LARP4B: variants seen among roughly 807,000 people sequenced by gnomAD.
LARP4B encodes the protein La ribonucleoprotein 4B, also known as la-related protein 4B.
Under a neutral mutation model 89.8 loss-of-function variants are expected in LARP4B, and 12 were observed. The ratio of observed to expected loss-of-function variants is 0.13; its 90% CI spans 0.09 to 0.22. The LOEUF is 0.22. Among genes scored for constraint, LARP4B ranks in the 10% least tolerant of loss-of-function variants. The pLI is 1.00. For missense variants in LARP4B, 757 were observed against 947.7 expected (o/e 0.80, Z 2.64); for synonymous variants, 367 against 363.3 (o/e 1.01, Z -0.12).
the LARP4B span, among the ~76,000 whole-genome samples, chr10:975,408 T>G: frequency 6.6e-6 from 1 of 152,212 alleles, no homozygotes; most frequent in African/African-American, 2.4e-5. Context: ...TGAATTCAGT[T>G]GCGATTCACT....
chr10:913,985 C>T (rs1318092543), intron 1 of LARP4B, among the ~76,000 whole-genome samples: 1 of 152,122 alleles, frequency 6.6e-6, no homozygotes, highest in Non-Finnish European at 1.5e-5. Flanking sequence ...TTCATAGTTT[C>T]ACAAACCCTT....
chr10:916,425 A>C (rs907327175), intron 1 of LARP4B, among the ~76,000 whole-genome samples: 10 of 152,098 alleles, frequency 6.6e-5, no homozygotes, highest in African/African-American at 1.9e-4. Flanking sequence ...GCTGGGCGCG[A>C]TGGCTCATGC....
chr10:838,433 A>C (rs1378485500), intron 7 of LARP4B, among the ~76,000 whole-genome samples: 1 of 152,222 alleles, frequency 6.6e-6, no homozygotes, highest in Non-Finnish European at 1.5e-5. Context: ...AAGAAAATGA[A>C]CAAGATTAAA....
intron 3 of LARP4B, among the ~76,000 whole-genome samples, chr10:879,060 G>A (rs575810324): frequency 6.6e-6 from 1 of 152,230 alleles, no homozygotes; most frequent in East Asian, 1.9e-4. Flanking sequence ...TTTACACAAG[G>A]ATACAACTAA....
intron 15 of LARP4B, among the ~76,000 whole-genome samples, chr10:816,984 T>A (rs1832095621): frequency 6.6e-6 from 1 of 152,152 alleles, no homozygotes; most frequent in Non-Finnish European, 1.5e-5. Context: ...GTGGTAACTC[T>A]GGGGCACAGC....
At chr10:839,366 T>C (rs1833400352) in intron 7 of LARP4B, among the ~76,000 whole-genome samples, 1 of 152,220 alleles carries the variant, frequency 6.6e-6, no homozygotes. Context: ...GGGGATATAA[T>C]GGGAGATCTC....
the LARP4B span, among the ~76,000 whole-genome samples, chr10:975,591 G>A: frequency 6.6e-6 from 1 of 152,364 alleles, no homozygotes; most frequent in East Asian, 1.9e-4. Flanking sequence ...CGAATCGTCT[G>A]AATGCACACA....
intron 5 of LARP4B, among the ~76,000 whole-genome samples, chr10:851,528 C>T (rs970039802): frequency 6.6e-6 from 1 of 151,990 alleles, no homozygotes; most frequent in Non-Finnish European, 1.5e-5. Context: ...AAACCTCTAC[C>T]CAGACTGATT....
chr10:959,782 CTCG>C, the LARP4B span, among the ~76,000 whole-genome samples: 1 of 87,438 alleles, frequency 1.1e-5, no homozygotes, highest in East Asian at 3.5e-4. Flanking sequence ...TTCCCACCTC[CTCG>C]TCATTCCCAC....
intron 1 of LARP4B, among the ~76,000 whole-genome samples, chr10:888,940 C>T (rs1433033278): frequency 1.3e-5 from 2 of 152,068 alleles, no homozygotes; most frequent in African/African-American, 4.8e-5. Context: ...CAAAAATTAG[C>T]CGGGTGTGGT....
At chr10:852,380 T>C (rs1353028698) in intron 5 of LARP4B, among the ~76,000 whole-genome samples, 1 of 152,128 alleles carries the variant, frequency 6.6e-6, no homozygotes, top group African/African-American at 2.4e-5. Flanking sequence ...CCGAACACAC[T>C]AAAAAACAAC....
chr10:819,287 G>A (rs905990493), intron 14 of LARP4B: 1 of 152,202 alleles, frequency 6.6e-6, no homozygotes, highest in African/African-American at 2.4e-5. Context: ...AGAAGCAAAA[G>A]AGGCAGGCAA....
At chr10:842,156 T>G (rs1423484374) in intron 7 of LARP4B, among the ~76,000 whole-genome samples, 1 of 152,162 alleles carries the variant, frequency 6.6e-6, no homozygotes, top group Non-Finnish European at 1.5e-5. Context: ...AAACACTGTT[T>G]GATGTTGCCA....
rs1315509968 is a variant in LARP4B, at chr10:931,535, G to A, written c.-147C>T. ...GGGGACGGCGAGGAGAGAGACGGCA[G>A]GGAGAGGCGGCGCGGCCGGGCCGGG... On this transcript the variant is annotated 5_prime_UTR_variant, in exon 1 of 18. Transcript: ENST00000316157. The A allele has an allele frequency of 1.3e-5, 2 of 150,710 alleles. No individual in the cohort carries two copies. The highest frequency in any genetic ancestry group is 1.8e-4 in the South Asian group (1 of 5,658). 9.3% of individuals were successfully genotyped at this position (150,710 alleles called of 1,614,324 possible).
intron 5 of LARP4B, among the ~76,000 whole-genome samples, chr10:862,483 G>A (rs1479659974): frequency 1.3e-5 from 2 of 152,094 alleles, no homozygotes; most frequent in Non-Finnish European, 2.9e-5. Context: ...GACAGGGACT[G>A]GTTAAGAACA....
chr10:885,345 TAC>T (rs1382885080), intron 2 of LARP4B, among the ~76,000 whole-genome samples: 4 of 152,088 alleles, frequency 2.6e-5, no homozygotes, highest in Non-Finnish European at 5.9e-5. Context: ...AAAAAAAAAA[TAC>T]AGTTTTCCCT....
At chr10:895,241 T>C (rs984007147) in intron 1 of LARP4B, among the ~76,000 whole-genome samples, 2 of 151,882 alleles carry the variant, frequency 1.3e-5, no homozygotes, top group African/African-American at 4.8e-5. Context: ...AATAAAATTG[T>C]CCACAATAAT....
At chr10:912,757 G>C (rs1286249393) in intron 1 of LARP4B, among the ~76,000 whole-genome samples, 1 of 151,908 alleles carries the variant, frequency 6.6e-6, no homozygotes. Flanking sequence ...GGGCATGGTG[G>C]CGTGCGCCTG....
At chr10:909,249 G>A (rs1051814418) in intron 1 of LARP4B, among the ~76,000 whole-genome samples, 7 of 146,442 alleles carry the variant, frequency 4.8e-5, no homozygotes, top group East Asian at 2.0e-4. Flanking sequence ...AGCCGAGATC[G>A]CGCCACTGCA....
Sources: gnomAD v4.1 joint callset for allele counts (sites outside exome capture counted in the v4.1 genomes callset) on GRCh38, gnomAD v4.1.1 for gene constraint, MANE v1.5 for transcripts, NCBI Gene and HGNC (gene_info 2026-07-23, HGNC 2026-07-21) for gene names.